Variants in ATP6V0E2 observed in about 807,000 individuals in gnomAD.
ATP6V0E2 encodes V-type proton ATPase subunit e 2.
Under a neutral mutation model 11.5 loss-of-function variants are expected in ATP6V0E2, and 4 were observed. The ratio of observed to expected loss-of-function variants is 0.35; its 90% confidence interval spans 0.17 to 0.80. The LOEUF is 0.80. ATP6V0E2 is among the 30% of genes least tolerant of loss of function. The probability of loss-of-function intolerance (pLI) is 0.53; values close to 1 mark genes in which losing one functional copy is unlikely to be tolerated. For synonymous variants in ATP6V0E2, 52 were observed against 51.0 expected (o/e 1.02, Z -0.09); for missense variants, 93 against 113.5 (o/e 0.82, Z 0.82).
rs1803385984 is a variant in ATP6V0E2 at position 149,880,141 on chromosome 7, G to A, written c.*826G>A. 6.5e-6 allele frequency: 1 copy of A among 153,896 alleles called. No individual in the cohort carries two copies. The highest frequency in any genetic ancestry group is 1.4e-5 in the Non-Finnish European group (1 of 69,332). 9.5% of individuals were successfully genotyped at this position (153,896 alleles called of 1,614,324 possible). A position where few individuals can be genotyped will look rare whatever the true frequency, so the allele number is the denominator to read the frequency against. ...ATCTAAGTGACCAGAGCTGGGATGA[G>A]AGAGGGGAAGGGGCAATGTGAGTGG... On this transcript the variant is annotated 3_prime_UTR_variant, in exon 4 of 4. Coordinates refer to ENST00000425642, the MANE Select transcript of ATP6V0E2 (RefSeq NM_145230.4).
intron 2 of ATP6V0E2, among the ~76,000 whole-genome samples, chr7:149,876,727 A>C (rs1803164756): frequency 6.6e-6 from 1 of 152,218 alleles, no homozygotes; most frequent in African/African-American, 2.4e-5. Context: ...AGCTGCATTA[A>C]GGCTGTTGGG....
intron 2 of ATP6V0E2, among the ~76,000 whole-genome samples, chr7:149,877,099 A>C (rs562339777): frequency 1.5e-5 from 1 of 65,410 alleles, no homozygotes; most frequent in East Asian, 3.0e-4. Context: ...AGACCAGGCC[A>C]GTATGGTCTC....
intron 1 of ATP6V0E2, chr7:149,874,453 G>A: frequency 2.5e-6 from 1 of 394,580 alleles, no homozygotes; most frequent in Non-Finnish European, 4.6e-6. Flanking sequence ...AGTGGGCACT[G>A]ACGCAGTTTC....
intron 1 of ATP6V0E2, 43 bp downstream of exon 1, chr7:149,874,212 C>A: frequency 1.3e-6 from 2 of 1,513,240 alleles, no homozygotes; most frequent in South Asian, 1.2e-5. Context: ...CCACCCCGGC[C>A]CCCTGGCCCG....
intron 2 of ATP6V0E2, among the ~76,000 whole-genome samples, chr7:149,878,195 T>G (rs548796398): frequency 2.0e-4 from 31 of 152,242 alleles, no homozygotes; most frequent in African/African-American, 5.5e-4. Context: ...AGAACAGAGG[T>G]GGCCTGGCAG....
rs764371935 is a variant in ATP6V0E2 at position 149,879,451 on chromosome 7, C to T, written c.*136C>T. ...TCCCTCCTGCTGGCACCCAGAGACC[C>T]GGACCCGCAGGGCCTGCCTGGTTCC... On this transcript the variant is annotated 3_prime_UTR_variant, in exon 4 of 4. Transcript: ENST00000425642. 2.8e-5 allele frequency: 44 copies of T among 1,598,150 alleles called. No homozygotes were observed. The highest frequency in any genetic ancestry group is 3.3e-5 in the Non-Finnish European group (39 of 1,173,200).
chr7:149,876,246 C>T (rs998083244), intron 2 of ATP6V0E2, among the ~76,000 whole-genome samples: 2 of 152,140 alleles, frequency 1.3e-5, no homozygotes, highest in African/African-American at 4.8e-5. Flanking sequence ...CCTGGTGGCG[C>T]GTGCCTGTAG....
chr7:149,876,400 G>A (rs1010515665), intron 2 of ATP6V0E2, among the ~76,000 whole-genome samples: 3 of 152,118 alleles, frequency 2.0e-5, no homozygotes, highest in Admixed American at 1.3e-4. Flanking sequence ...CTAGGTGAGA[G>A]TAAGTCATCA....
chr7:149,874,393 A>G (rs1293559979), intron 1 of ATP6V0E2, among the ~76,000 whole-genome samples: 1 of 152,200 alleles, frequency 6.6e-6, no homozygotes, highest in Non-Finnish European at 1.5e-5. Context: ...TAAAGAGGAG[A>G]GTGACATTGG....
At chr7:149,879,305 C>A (rs779280596) in intron 3 of ATP6V0E2, 30 bp from the exon 4 acceptor site, 4 of 1,484,756 alleles carry the variant, frequency 2.7e-6, no homozygotes, top group Non-Finnish European at 3.6e-6. Context: ...ACTGCAAGGC[C>A]GGGACCCTTC....
chr7:149,875,538 G>A, intron 1 of ATP6V0E2, 60 bp from the exon 2 acceptor site: 2 of 1,565,620 alleles, frequency 1.3e-6, no homozygotes, highest in South Asian at 2.2e-5. Context: ...CTCTGGTCCT[G>A]GCCAGGCCTT....
chr7:149,879,765 G>C lies in ATP6V0E2; in HGVS notation c.*450G>C. ...AGCAGCTCTGCCACCATCCTGCTGGGAACTGGGGGGGCCTCTATTGGGTTA... is the reference window on the plus strand; with the variant it reads ...AGCAGCTCTGCCACCATCCTGCTGGCAACTGGGGGGGCCTCTATTGGGTTA... On this transcript the variant is annotated 3_prime_UTR_variant, in exon 4 of 4. Transcript: ENST00000425642. 2.9e-6 allele frequency: 3 copies of C among 1,025,830 alleles called. No homozygotes were observed. Among genetic ancestry groups the C allele is most frequent in the Non-Finnish European group, 3.9e-6 (3 of 773,610 alleles). The allele number at this position is 1,025,830 out of a possible 1,614,324, so 63.5% of individuals were successfully genotyped here.
rs1803384621 is a variant in ATP6V0E2 at position 149,880,126 on chromosome 7, C to T, written c.*811C>T. On this transcript the variant is annotated 3_prime_UTR_variant, in exon 4 of 4. Coordinates refer to ENST00000425642, the MANE Select transcript of ATP6V0E2 (RefSeq NM_145230.4). ...GCCTCTCATGGCAGCATCTAAGTGA[C>T]CAGAGCTGGGATGAGAGAGGGGAAG... 1 of 154,622 alleles carries T rather than the reference C, an allele frequency of 6.5e-6. No individual in the cohort carries two copies. The highest frequency in any genetic ancestry group is 6.5e-5 in the Admixed American group (1 of 15,328). 9.6% of individuals were successfully genotyped at this position (154,622 alleles called of 1,614,324 possible).
Position 149,879,459 on chromosome 7 carries a change from C to A in ATP6V0E2, c.*144C>A. ...GCTGGCACCCAGAGACCCGGACCCGCAGGGCCTGCCTGGTTCCTGGAAGTC... is the reference window on the plus strand; with the variant it reads ...GCTGGCACCCAGAGACCCGGACCCGAAGGGCCTGCCTGGTTCCTGGAAGTC... On this transcript the variant is annotated 3_prime_UTR_variant, in exon 4 of 4. Coordinates refer to ENST00000425642, the MANE Select transcript of ATP6V0E2 (RefSeq NM_145230.4). 7 of 1,595,352 alleles carry A rather than the reference C, an allele frequency of 4.4e-6. No homozygotes were observed. The highest frequency in any genetic ancestry group is 6.0e-6 in the Non-Finnish European group (7 of 1,171,644).
chr7:149,876,606 A>G (rs555198573), intron 2 of ATP6V0E2, among the ~76,000 whole-genome samples: 29 of 152,356 alleles, frequency 1.9e-4, no homozygotes, highest in African/African-American at 7.0e-4. Context: ...CTGCCCCCGC[A>G]TCCATCCCAA....
intron 2 of ATP6V0E2, among the ~76,000 whole-genome samples, chr7:149,877,033 C>CA (rs1316770850): frequency 1.3e-5 from 2 of 152,016 alleles, no homozygotes; most frequent in African/African-American, 4.8e-5. Context: ...TCCTATTAAC[C>CA]AATTCTCTTA....
At chr7:149,878,827 G>A (rs750566473) in intron 3 of ATP6V0E2, 37 bp downstream of exon 3, 2 of 1,394,524 alleles carry the variant, frequency 1.4e-6, no homozygotes, top group Non-Finnish European at 9.9e-7. Flanking sequence ...GGGGAAGAGG[G>A]GAAAGACAAG....
intron 2 of ATP6V0E2, among the ~76,000 whole-genome samples, chr7:149,876,384 G>T (rs1052359631): frequency 2.0e-5 from 3 of 152,092 alleles, no homozygotes; most frequent in African/African-American, 7.2e-5. Flanking sequence ...TCTAAAAAAA[G>T]AACCACTAGG....
At position 149,875,607 on chromosome 7, in the gene ATP6V0E2, C is replaced by T. The variant is rs371535588; in HGVS notation, c.114C>T (p.Ile38=). 12 of 1,613,826 alleles carry T rather than the reference C, an allele frequency of 7.4e-6. No homozygotes were observed. In the African/African-American group the frequency reaches 1.1e-4, roughly 14 times the overall value. Residue 38 remains isoleucine (I), a synonymous_variant, in exon 2 of 4, where the codon ATC becomes ATT. Coordinates refer to ENST00000425642, the MANE Select transcript of ATP6V0E2 (RefSeq NM_145230.4). ...VPKGPNRGVI[I]TMLVATAVCC... ...TCCTCTTCTGCTGCAGAGTGATCAT[C>T]ACCATGCTGGTCGCCACCGCCGTCT... is the stretch of plus-strand genomic sequence containing the variant.
Sources: allele counts gnomAD v4.1 joint callset (sites outside exome capture counted in the v4.1 genomes callset), GRCh38; gene constraint gnomAD v4.1.1; transcripts MANE v1.5; gene names NCBI Gene and HGNC (gene_info 2026-07-23, HGNC 2026-07-21).